Variants in PLS3 observed in about 807,000 individuals in gnomAD.
The protein encoded by PLS3 is plastin 3, also known as plastin-3.
In PLS3, 11 loss-of-function variants were observed where a neutral mutation model predicts 46.5. The observed-to-expected ratio is 0.24, with a 90% CI of 0.15 to 0.39. The LOEUF (loss-of-function observed/expected upper bound fraction) is 0.39, where lower values mean the gene tolerates loss of function less well. Ranked by LOEUF, PLS3 falls within the 10% of genes least tolerant of loss-of-function variation. The pLI is 1.00. For synonymous variants in PLS3, 167 were observed against 162.2 expected, an observed-to-expected ratio of 1.03 and a Z score of -0.22; for missense variants, 308 against 461.8, an observed-to-expected ratio of 0.67 and a Z score of 3.05.
rs193131865 is a variant in PLS3 at position 115,589,795 on chromosome X, C to T, written c.-8-20448C>T. Reference sequence around the variant, plus strand: ...CTTATGTGAAACTCCCATAACTTTTCGGGTTGTACCTCTTTTTTCCACCCT... The same window carrying T: ...CTTATGTGAAACTCCCATAACTTTTTGGGTTGTACCTCTTTTTTCCACCCT... On this transcript the variant is annotated intron_variant, in intron 1 of 15. Transcript: ENST00000355899. 3.5e-3 allele frequency among the ~76,000 whole-genome samples: 388 copies of T among 112,162 alleles called. 6 individuals carry two copies. Among genetic ancestry groups the T allele is most frequent in the African/African-American group, 0.012 (379 of 30,905 alleles).
intron 1 of PLS3, among the ~76,000 whole-genome samples, chrX:115,568,234 AT>A (rs2074190029): frequency 8.9e-6 from 1 of 111,763 alleles, no homozygotes; most frequent in Middle Eastern, 4.2e-3. Flanking sequence ...AGCACATCCT[AT>A]TGCTATACTA....
chrX:115,570,217 G>T (rs1603216769), intron 1 of PLS3, among the ~76,000 whole-genome samples: 1 of 110,954 alleles, frequency 9.0e-6, no homozygotes. Flanking sequence ...TTACAGGCAT[G>T]AGCCACCGCG....
chrX:115,596,497 G>C (rs782413502), intron 1 of PLS3, among the ~76,000 whole-genome samples: 12 of 111,518 alleles, frequency 1.1e-4, no homozygotes, highest in African/African-American at 3.9e-4. Flanking sequence ...ATATGGGGAA[G>C]GGGAGGAACG....
chrX:115,576,900 A>G (rs782624936), intron 1 of PLS3, among the ~76,000 whole-genome samples: 1 of 112,742 alleles, frequency 8.9e-6, no homozygotes, highest in Non-Finnish European at 1.9e-5. Flanking sequence ...ACAGTGTGCC[A>G]TCGTTTGAAG....
chrX:115,565,887 AT>A lies in PLS3; in HGVS notation c.-9+4630del, dbSNP rs1167910475. Among the ~76,000 whole-genome samples, 8 of 112,287 alleles carry A rather than the reference AT, an allele frequency of 7.1e-5. No homozygotes were observed. In the Admixed American group the frequency reaches 7.6e-4, roughly 11 times the overall value. On this transcript the variant is annotated intron_variant, in intron 1 of 15. Transcript: ENST00000355899. Reference sequence around the variant, plus strand: ...CATTTTCTTAAAAGTTTAGAAACGTATTTGATAATAAGGAGGTAGTGTTGTT... The same window carrying A: ...CATTTTCTTAAAAGTTTAGAAACGTATTGATAATAAGGAGGTAGTGTTGTT...
chrX:115,606,119 A>T (rs1259922748), intron 1 of PLS3, among the ~76,000 whole-genome samples: 1 of 91,192 alleles, frequency 1.1e-5, no homozygotes, highest in Non-Finnish European at 2.2e-5. Context: ...GTCCAGAACC[A>T]TCTTATCTAA....
At chrX:115,564,979 T>C (rs1397875141) in intron 1 of PLS3, among the ~76,000 whole-genome samples, 1 of 111,896 alleles carries the variant, frequency 8.9e-6, no homozygotes, top group Non-Finnish European at 1.9e-5. Flanking sequence ...CTGGGTCATG[T>C]TTTGAGTCTG....
intron 5 of PLS3, among the ~76,000 whole-genome samples, chrX:115,631,460 G>A (rs941265731): frequency 8.1e-5 from 9 of 110,746 alleles, no homozygotes; most frequent in Non-Finnish European, 1.3e-4. Context: ...ATGTAAGATA[G>A]GCTGGTCATG....
chrX:115,599,876 C>T (rs1300200206), intron 1 of PLS3, among the ~76,000 whole-genome samples: 1 of 110,161 alleles, frequency 9.1e-6, no homozygotes, highest in Non-Finnish European at 1.9e-5. Flanking sequence ...GTGATCTGCC[C>T]GCCTCGGCCT....
chrX:115,613,589 A>T, intron 2 of PLS3, among the ~76,000 whole-genome samples: 1 of 112,469 alleles, frequency 8.9e-6, no homozygotes, highest in Admixed American at 9.4e-5. Flanking sequence ...TTATATATGG[A>T]TTATTAGAAG....
intron 3 of PLS3, among the ~76,000 whole-genome samples, chrX:115,627,891 A>G (rs1190899848): frequency 8.9e-6 from 1 of 112,453 alleles, no homozygotes; most frequent in Non-Finnish European, 1.9e-5. Context: ...ATTCTCTCAA[A>G]CAAAATTTTA....
chrX:115,629,173 T>C (rs782154341), intron 3 of PLS3, 25 bp from the exon 4 acceptor site: 2 of 1,038,281 alleles, frequency 1.9e-6, no homozygotes, highest in South Asian at 4.1e-5. Flanking sequence ...TAATTGTGAA[T>C]CAACAAAATT....
chrX:115,607,385 C>T (rs1179501995), intron 1 of PLS3, among the ~76,000 whole-genome samples: 1 of 111,995 alleles, frequency 8.9e-6, no homozygotes, highest in Admixed American at 9.5e-5. Flanking sequence ...TTCATCCAAC[C>T]TGTCTACTGA....
At chrX:115,565,362 T>C (rs1304753755) in intron 1 of PLS3, among the ~76,000 whole-genome samples, 2 of 111,602 alleles carry the variant, frequency 1.8e-5, no homozygotes, top group Non-Finnish European at 3.8e-5. Flanking sequence ...AAAATACTAA[T>C]TATTTTAGCA....
At chrX:115,648,156 A>C in intron 15 of PLS3, 139 bp downstream of exon 15, 1 of 453,018 alleles carries the variant, frequency 2.2e-6, no homozygotes, top group Admixed American at 4.4e-5. Flanking sequence ...TCATCAATAA[A>C]CTGGGGGCAA....
chrX:115,612,450 T>A (rs1344235653), intron 2 of PLS3, among the ~76,000 whole-genome samples: 2 of 111,305 alleles, frequency 1.8e-5, no homozygotes, highest in African/African-American at 6.5e-5. Context: ...TGTTATAGAA[T>A]TTTTTTTCTA....
At chrX:115,586,793 A>G (rs1457331191) in intron 1 of PLS3, among the ~76,000 whole-genome samples, 2 of 112,166 alleles carry the variant, frequency 1.8e-5, no homozygotes, top group African/African-American at 6.5e-5. Flanking sequence ...TTTGAAGTAG[A>G]TAAGCTGTAG....
intron 3 of PLS3, among the ~76,000 whole-genome samples, chrX:115,626,984 G>A (rs1556638585): frequency 1.8e-5 from 2 of 109,031 alleles, no homozygotes; most frequent in Non-Finnish European, 3.8e-5. Context: ...AAGTAGCTGG[G>A]GTTACAGGCA....
intron 1 of PLS3, among the ~76,000 whole-genome samples, chrX:115,591,979 A>G (rs1411253021): frequency 8.9e-6 from 1 of 111,947 alleles, no homozygotes; most frequent in Non-Finnish European, 1.9e-5. Flanking sequence ...AAATTAAAGC[A>G]CTTCCATGAA....
Sources: gnomAD v4.1 joint callset for allele counts (sites outside exome capture counted in the v4.1 genomes callset) on GRCh38, gnomAD v4.1.1 for gene constraint, MANE v1.5 for transcripts, NCBI Gene and HGNC (gene_info 2026-07-23, HGNC 2026-07-21) for gene names.